CPA6: variants seen among roughly 807,000 people sequenced by gnomAD.
The protein encoded by CPA6 is carboxypeptidase A6.
In CPA6, 58 loss-of-function variants were observed where a neutral mutation model predicts 63.3. The ratio of observed to expected loss-of-function variants is 0.92; its 90% CI spans 0.74 to 1.14. The LOEUF is 1.14. CPA6 is among the 50% of genes most tolerant of loss of function. The pLI, the probability that CPA6 is intolerant of heterozygous loss-of-function variation, is 0.00. For synonymous variants in CPA6, 185 were observed against 179.0 expected (o/e 1.03, Z -0.27); for missense variants, 565 against 526.6 (o/e 1.07, Z -0.71).
intron 8 of CPA6, among the ~76,000 whole-genome samples, chr8:67,457,731 A>G (rs577503378): frequency 5.9e-5 from 9 of 152,194 alleles, no homozygotes; most frequent in Admixed American, 2.0e-4. Flanking sequence ...CCTTGTGGGC[A>G]ACATCAGTGT....
intron 2 of CPA6, among the ~76,000 whole-genome samples, chr8:67,601,214 A>C (rs1564018625): frequency 6.6e-6 from 1 of 152,200 alleles, no homozygotes; most frequent in Non-Finnish European, 1.5e-5. Flanking sequence ...CTTAAAAGCT[A>C]ATTTCTCACT....
chr8:67,661,422 G>A (rs1421596298), intron 1 of CPA6, among the ~76,000 whole-genome samples: 2 of 152,186 alleles, frequency 1.3e-5, no homozygotes, highest in Admixed American at 6.5e-5. Flanking sequence ...CGAGGAAGCC[G>A]CTGTGTGATC....
At chr8:67,665,960 T>C (rs1007776765) in intron 1 of CPA6, among the ~76,000 whole-genome samples, 1 of 152,218 alleles carries the variant, frequency 6.6e-6, no homozygotes, top group Non-Finnish European at 1.5e-5. Context: ...TAACAAAATA[T>C]ACATGTCCTC....
At chr8:67,684,737 A>C (rs919612945) in intron 1 of CPA6, among the ~76,000 whole-genome samples, 2 of 152,158 alleles carry the variant, frequency 1.3e-5, no homozygotes, top group Non-Finnish European at 2.9e-5. Flanking sequence ...TCCTAGGCCC[A>C]TCTGTCCATT....
chr8:67,525,604 G>C (rs1812344290), intron 2 of CPA6, among the ~76,000 whole-genome samples: 1 of 151,916 alleles, frequency 6.6e-6, no homozygotes, highest in Non-Finnish European at 1.5e-5. Context: ...TGCCATAATG[G>C]GATAGCATCT....
chr8:67,604,009 A>T (rs1207392997), intron 2 of CPA6, among the ~76,000 whole-genome samples: 1 of 152,228 alleles, frequency 6.6e-6, no homozygotes, highest in Non-Finnish European at 1.5e-5. Context: ...TTGATTGGAA[A>T]GGGTGAAATG....
intron 8 of CPA6, among the ~76,000 whole-genome samples, chr8:67,469,802 A>G (rs551772314): frequency 1.3e-5 from 2 of 152,128 alleles, no homozygotes; most frequent in Admixed American, 6.5e-5. Flanking sequence ...GTCTCTCTCT[A>G]TACATCCAAT....
intron 6 of CPA6, among the ~76,000 whole-genome samples, chr8:67,498,531 A>G (rs1468273251): frequency 8.1e-6 from 1 of 123,434 alleles, no homozygotes; most frequent in African/African-American, 3.6e-5. Context: ...GCGAGACTCC[A>G]TCTCAAAAAA....
intron 1 of CPA6, among the ~76,000 whole-genome samples, chr8:67,649,614 G>A (rs765797454): frequency 6.6e-6 from 1 of 152,152 alleles, no homozygotes; most frequent in Non-Finnish European, 1.5e-5. Flanking sequence ...ATACACAAGA[G>A]CATTGGGAAC....
intron 2 of CPA6, among the ~76,000 whole-genome samples, chr8:67,586,034 G>A (rs1390059253): frequency 2.6e-5 from 4 of 152,142 alleles, no homozygotes; most frequent in South Asian, 2.1e-4. Context: ...AGGGGTGACC[G>A]CACCTGTAAA....
Position 67,666,663 on chromosome 8 carries a change from T to C in CPA6, c.117-42412A>G, listed in dbSNP as rs565031235. On this transcript the variant is annotated intron_variant, in intron 1 of 10. Coordinates refer to ENST00000297770, the MANE Select transcript of CPA6 (RefSeq NM_020361.5). ...AGGTGCCTGGCGATCAGGGTCTCCG[T>C]GCAGCACTGATGGGAACAGGGGCTG... Among the ~76,000 whole-genome samples the C allele has an allele frequency of 8.9e-4, 135 of 152,210 alleles. 5 individuals are homozygous for C. The South Asian group carries it at 0.027, about 31-fold the overall frequency.
chr8:67,616,378 T>A (rs1437219376), intron 2 of CPA6, among the ~76,000 whole-genome samples: 1 of 152,154 alleles, frequency 6.6e-6, no homozygotes, highest in African/African-American at 2.4e-5. Flanking sequence ...GAAAAGACAC[T>A]GGGGAGGCTG....
intron 2 of CPA6, among the ~76,000 whole-genome samples, chr8:67,555,916 T>C (rs1813049572): frequency 6.6e-6 from 1 of 152,208 alleles, no homozygotes; most frequent in African/African-American, 2.4e-5. Flanking sequence ...CTGTTGGAAT[T>C]GCTTTCGCCA....
rs533895809 is a variant in CPA6 at position 67,657,405 on chromosome 8, C to T, written c.117-33154G>A. ...TAGGACAAAGAAGTAAACACACAAA[C>T]CAACAAATATCTGTGTTATAAACCT... On this transcript the variant is annotated intron_variant, in intron 1 of 10. Transcript: ENST00000297770. Among the ~76,000 whole-genome samples the T allele has an allele frequency of 1.9e-3, 289 of 152,236 alleles. 1 individual carries two copies. The highest frequency in any genetic ancestry group is 3.2e-3 in the Non-Finnish European group (217 of 68,004).
chr8:67,652,200 C>G (rs1815858599), intron 1 of CPA6, among the ~76,000 whole-genome samples: 1 of 152,168 alleles, frequency 6.6e-6, no homozygotes, highest in African/African-American at 2.4e-5. Context: ...CCGCAATAAA[C>G]ATACGTGTGC....
chr8:67,648,086 G>A (rs1490949455), intron 1 of CPA6, among the ~76,000 whole-genome samples: 1 of 152,128 alleles, frequency 6.6e-6, no homozygotes, highest in African/African-American at 2.4e-5. Flanking sequence ...CAAAGGGGAA[G>A]TTCCTTTGGC....
In CPA6 at chr8:67,742,147, C is replaced by CGT. The variant is rs1563416816; in HGVS notation, c.116+3865_116+3866dup. Among the ~76,000 whole-genome samples, 24 of 151,912 alleles carry CGT rather than the reference C, an allele frequency of 1.6e-4. No homozygotes were observed. In the East Asian group the frequency reaches 2.9e-3, roughly 18 times the overall value. ...CTACTTTTGTGTGTGTGTGTGTGCGCGTGTGTGTGTGACAACAGAAAGTTC... is the reference window on the plus strand; with the variant it reads ...CTACTTTTGTGTGTGTGTGTGTGCGCGTGTGTGTGTGTGACAACAGAAAGTTC... On this transcript the variant is annotated intron_variant, in intron 1 of 10. Coordinates refer to ENST00000297770, the MANE Select transcript of CPA6 (RefSeq NM_020361.5).
intron 8 of CPA6, among the ~76,000 whole-genome samples, chr8:67,480,924 C>T (rs1185367465): frequency 2.0e-5 from 3 of 152,106 alleles, no homozygotes; most frequent in South Asian, 4.1e-4. Flanking sequence ...TGGCTAATGA[C>T]GTTGAGCGTA....
In CPA6 at chr8:67,677,560, A is replaced by G. The variant is rs188508472; in HGVS notation, c.117-53309T>C. On this transcript the variant is annotated intron_variant, in intron 1 of 10. Coordinates refer to ENST00000297770, the MANE Select transcript of CPA6 (RefSeq NM_020361.5). ...CAACTCACAAATGAATGTTTAGAGC[A>G]CAGGCTGCACATCTCTCTCTCTCTG... 3.3e-5 allele frequency among the ~76,000 whole-genome samples: 5 copies of G among 152,276 alleles called. No homozygotes were observed. In the East Asian group the frequency reaches 9.7e-4, roughly 29 times the overall value.
Sources: gnomAD v4.1 joint callset for allele counts (sites outside exome capture counted in the v4.1 genomes callset) on GRCh38, gnomAD v4.1.1 for gene constraint, MANE v1.5 for transcripts, NCBI Gene and HGNC (gene_info 2026-07-23, HGNC 2026-07-21) for gene names.